The following CMKLR1 variants were observed in gnomAD, a reference collection of about 807,000 sequenced individuals.
CMKLR1 encodes the protein chemerin chemokine-like receptor 1.
In CMKLR1, 6 loss-of-function variants were observed where a neutral mutation model predicts 8.2. The ratio of observed to expected loss-of-function variants is 0.73; its 90% CI spans 0.40 to 1.44. The LOEUF is 1.44. Among genes scored for constraint, CMKLR1 ranks in the 40% most tolerant of loss-of-function variants. The probability of loss-of-function intolerance (pLI) is 0.02; values close to 1 mark genes in which losing one functional copy is unlikely to be tolerated. For missense variants in CMKLR1, 429 were observed against 478.0 expected, an observed-to-expected ratio of 0.90 and a Z score of 0.96; for synonymous variants, 178 against 181.2, an observed-to-expected ratio of 0.98 and a Z score of 0.14.
chr12:108,292,533 G>T lies in CMKLR1; in HGVS notation c.430C>A (p.Pro144Thr). 1 of 1,614,184 alleles carries T rather than the reference G, an allele frequency of 6.2e-7. No homozygotes were observed. The highest frequency in any genetic ancestry group is 8.5e-7 in the Non-Finnish European group (1 of 1,180,044). Residue 144 changes from proline to threonine, a missense_variant, in exon 4 of 4, where the codon CCT becomes ACT. Coordinates refer to ENST00000550402, the MANE Select transcript of CMKLR1 (RefSeq NM_001142343.2). The part of the protein sequence containing the change: ...SSDRCISVLL[P>T]VWSQNHRSVR... ...CTGCGGTGGTTCTGGGACCAGACAG[G>T]GAGGAGCACAGAGATGCAGCGGTCA...
chr12:108,323,704 C>G (rs1183014811), intron 2 of CMKLR1, among the ~76,000 whole-genome samples: 4 of 152,172 alleles, frequency 2.6e-5, no homozygotes, highest in Non-Finnish European at 4.4e-5. Flanking sequence ...ACTTGGGGTG[C>G]AGTCCCTGCC....
chr12:108,318,983 T>A (rs905385794), intron 2 of CMKLR1, among the ~76,000 whole-genome samples: 2 of 152,182 alleles, frequency 1.3e-5, no homozygotes, highest in African/African-American at 2.4e-5. Flanking sequence ...CAAATCCTGG[T>A]GGACAACAGG....
chr12:108,292,731 A>G lies in CMKLR1; in HGVS notation c.232T>C (p.Phe78Leu), dbSNP rs746753225. The G allele has an allele frequency of 1.2e-6, 2 of 1,614,138 alleles. No homozygotes were observed. The highest frequency in any genetic ancestry group is 3.3e-5 in the Admixed American group (2 of 60,020). ...KMKKTVNMVW[F>L]LNLAVADFLF... ...AAATCTGCCACTGCCAGGTTGAGGAACCAGACCATGTTCACTGTCTTCTTC... is the reference window on the plus strand; with the variant it reads ...AAATCTGCCACTGCCAGGTTGAGGAGCCAGACCATGTTCACTGTCTTCTTC... Residue 78 changes from phenylalanine to leucine, a missense_variant, in exon 4 of 4, where the codon TTC becomes CTC. Phe to Leu is a conservative substitution (Grantham distance 22). Transcript: ENST00000550402.
intron 1 of CMKLR1, among the ~76,000 whole-genome samples, chr12:108,337,703 G>T (rs1892260677): frequency 6.6e-6 from 1 of 152,126 alleles, no homozygotes; most frequent in Admixed American, 6.5e-5. Context: ...GAAGTTTTGG[G>T]GGAGTCCAAA....
chr12:108,323,507 A>G (rs1380243304), intron 2 of CMKLR1, among the ~76,000 whole-genome samples: 1 of 152,178 alleles, frequency 6.6e-6, no homozygotes, highest in Non-Finnish European at 1.5e-5. Context: ...CTAGCCCTCA[A>G]ATGTTTCCCT....
At chr12:108,333,518 T>C (rs1183590672) in intron 1 of CMKLR1, among the ~76,000 whole-genome samples, 1 of 152,094 alleles carries the variant, frequency 6.6e-6, no homozygotes, top group African/African-American at 2.4e-5. Flanking sequence ...GTCCCAAAAA[T>C]AAAAATAGAA....
In CMKLR1 at chr12:108,292,374, T is replaced by C. The variant is rs963781999; in HGVS notation, c.589A>G (p.Thr197Ala). 1 of 1,613,910 alleles carries C rather than the reference T, an allele frequency of 6.2e-7. No individual in the cohort carries two copies. Among genetic ancestry groups the C allele is most frequent in the African/African-American group, 1.3e-5 (1 of 74,876 alleles). ...GTGGGCCACGAGGAAGACCCAGGTG[T>C]GGACAGGCTGAAGTTGTTGAAGCAG... ...ISCFNNFSLS[T>A]PGSSSWPTHS... Residue 197 changes from threonine to alanine, a missense_variant, in exon 4 of 4, where the codon ACA (threonine) becomes GCA (alanine). Thr to Ala is a moderately conservative substitution (Grantham distance 58). Coordinates refer to ENST00000550402, the MANE Select transcript of CMKLR1 (RefSeq NM_001142343.2).
chr12:108,331,383 T>C lies in CMKLR1; in HGVS notation c.-286-1176A>G, dbSNP rs561183783. Among the ~76,000 whole-genome samples, 14 of 152,252 alleles carry C rather than the reference T, an allele frequency of 9.2e-5. 1 individual carries two copies. The highest frequency in any genetic ancestry group is 6.8e-3 in the Middle Eastern group (2 of 294). Reference sequence around the variant, plus strand: ...GTCCTGATAATCACTGAATACTCCCTGGTAAAGCCTCACTGGTTGCTACAC... The same window carrying C: ...GTCCTGATAATCACTGAATACTCCCCGGTAAAGCCTCACTGGTTGCTACAC... On this transcript the variant is annotated intron_variant, in intron 1 of 3. Transcript: ENST00000550402.
At chr12:108,301,418 A>C (rs1048289309) in intron 2 of CMKLR1, among the ~76,000 whole-genome samples, 1 of 151,512 alleles carries the variant, frequency 6.6e-6, no homozygotes, top group Non-Finnish European at 1.5e-5. Flanking sequence ...TCTGATTCTC[A>C]CTCTGTCTAG....
chr12:108,310,595 T>G (rs1891531847), intron 2 of CMKLR1, among the ~76,000 whole-genome samples: 1 of 152,262 alleles, frequency 6.6e-6, no homozygotes, highest in South Asian at 2.1e-4. Context: ...CCAGAGCCAT[T>G]TCCATGGCAA....
At chr12:108,297,471 C>T (rs1327493418) in intron 2 of CMKLR1, among the ~76,000 whole-genome samples, 2 of 152,126 alleles carry the variant, frequency 1.3e-5, no homozygotes, top group African/African-American at 2.4e-5. Context: ...AGTTGGCTCC[C>T]CTAACCCCTG....
At chr12:108,293,424 T>C (rs1038009843) in intron 3 of CMKLR1, among the ~76,000 whole-genome samples, 165 bp downstream of exon 3, 1 of 152,192 alleles carries the variant, frequency 6.6e-6, no homozygotes, top group Non-Finnish European at 1.5e-5. Context: ...AATGGGAACA[T>C]TGCAATAATG....
intron 2 of CMKLR1, among the ~76,000 whole-genome samples, chr12:108,322,992 A>T (rs1489211797): frequency 1.3e-5 from 2 of 151,980 alleles, no homozygotes; most frequent in Non-Finnish European, 2.9e-5. Flanking sequence ...TCCATACCTC[A>T]TTCTCTCAGA....
At position 108,311,515 on chromosome 12, in the gene CMKLR1, A is replaced by G. The variant is rs1045558040; in HGVS notation, c.-73-17851T>C. ...TGACACACACCTTTTAGTCCCAGCT[A>G]CTCAGGAGGCTAAGGTGGGAGGCTC... On this transcript the variant is annotated intron_variant, in intron 2 of 3. Coordinates refer to ENST00000550402, the MANE Select transcript of CMKLR1 (RefSeq NM_001142343.2). Among the ~76,000 whole-genome samples the G allele has an allele frequency of 2.0e-5, 3 of 152,194 alleles. No individual in the cohort carries two copies. In the East Asian group the frequency reaches 5.8e-4, roughly 29 times the overall value.
At chr12:108,321,752 C>T (rs1891866397) in intron 2 of CMKLR1, among the ~76,000 whole-genome samples, 1 of 152,226 alleles carries the variant, frequency 6.6e-6, no homozygotes, top group South Asian at 2.1e-4. Flanking sequence ...CCTTCCCTAG[C>T]TCCTCCCCAC....
At chr12:108,332,549 T>C (rs974836096) in intron 1 of CMKLR1, among the ~76,000 whole-genome samples, 1 of 152,136 alleles carries the variant, frequency 6.6e-6, no homozygotes, top group East Asian at 1.9e-4. Context: ...CCAGAGACTA[T>C]AAAGCAGGCA....
chr12:108,319,653 C>A (rs913902711), intron 2 of CMKLR1, among the ~76,000 whole-genome samples: 2 of 152,064 alleles, frequency 1.3e-5, no homozygotes, highest in African/African-American at 4.8e-5. Context: ...AATAATAATA[C>A]CTGGCCCATG....
rs1183584331 is a variant in CMKLR1, at chr12:108,291,718, A to G, written c.*123T>C. ...AGATTCCCAGCATAAAACACTGTTC[A>G]TCCCATGCAAAATGCAGTGAAAATT... is the stretch of plus-strand genomic sequence containing the variant. On this transcript the variant is annotated 3_prime_UTR_variant, in exon 4 of 4. Coordinates refer to ENST00000550402, the MANE Select transcript of CMKLR1 (RefSeq NM_001142343.2). 1 of 972,870 alleles carries G rather than the reference A, an allele frequency of 1.0e-6. No individual in the cohort carries two copies. Among genetic ancestry groups the G allele is most frequent in the Non-Finnish European group, 1.6e-6 (1 of 640,576 alleles). 60.3% of individuals were successfully genotyped at this position (972,870 alleles called of 1,614,324 possible).
chr12:108,317,378 A>G (rs1175743729), intron 2 of CMKLR1, among the ~76,000 whole-genome samples: 1 of 152,202 alleles, frequency 6.6e-6, no homozygotes, highest in Non-Finnish European at 1.5e-5. Context: ...TGGCAGGTCC[A>G]CTATGAGACA....
Sources: allele counts gnomAD v4.1 joint callset (sites outside exome capture counted in the v4.1 genomes callset), GRCh38; gene constraint gnomAD v4.1.1; transcripts MANE v1.5; gene names NCBI Gene and HGNC (gene_info 2026-07-23, HGNC 2026-07-21).